Variants in CLYBL observed in about 807,000 individuals in gnomAD.
CLYBL encodes the protein citramalyl-CoA lyase, mitochondrial.
In CLYBL, 31 loss-of-function variants were observed where a neutral mutation model predicts 38.9. The observed-to-expected ratio is 0.80, with a 90% confidence interval of 0.60 to 1.08. The LOEUF (loss-of-function observed/expected upper bound fraction) is 1.08. Ranked by LOEUF, CLYBL falls within the 50% of genes least tolerant of loss-of-function variation. CLYBL has a pLI of 0.00. For synonymous variants in CLYBL, 171 were observed against 158.6 expected, an observed-to-expected ratio of 1.08 and a Z score of -0.59; for missense variants, 434 against 411.6, an observed-to-expected ratio of 1.05 and a Z score of -0.47.
At chr13:99,679,844 G>A (rs2047708991) in intron 1 of CLYBL, among the ~76,000 whole-genome samples, 1 of 151,988 alleles carries the variant, frequency 6.6e-6, no homozygotes, top group South Asian at 2.1e-4. Context: ...CCAGGTGCAC[G>A]TTATTAAACG....
intron 1 of CLYBL, among the ~76,000 whole-genome samples, chr13:99,637,401 A>G (rs2047033764): frequency 6.6e-6 from 1 of 152,186 alleles, no homozygotes; most frequent in Non-Finnish European, 1.5e-5. Context: ...TTTCCAGCAT[A>G]TTGCATATTC....
chr13:99,646,265 C>T (rs552295100), intron 1 of CLYBL, among the ~76,000 whole-genome samples: 21 of 152,154 alleles, frequency 1.4e-4, no homozygotes, highest in Non-Finnish European at 2.6e-4. Context: ...AAGCAGTCAT[C>T]GCACTCCTTT....
At chr13:99,819,489 G>T in intron 2 of CLYBL, among the ~76,000 whole-genome samples, 1 of 124,024 alleles carries the variant, frequency 8.1e-6, no homozygotes, top group Non-Finnish European at 1.7e-5. Flanking sequence ...GGGTTGTCTG[G>T]GGGACAGAAC....
intron 2 of CLYBL, among the ~76,000 whole-genome samples, chr13:99,833,028 ATATTTTTTTTTTTTT>A (rs1427749243): frequency 1.4e-4 from 5 of 36,088 alleles, no homozygotes; most frequent in African/African-American, 5.9e-4. Context: ...ATATATATAT[ATATTTTTTTTTTTTT>A]TTTTTTTTTT....
In CLYBL at chr13:99,676,186, G is replaced by GTCCGTCCGTCCTTCCT. The variant is rs1459044000; in HGVS notation, c.62+69432_62+69433insGTCCGTCCTTCCTTCC. On this transcript the variant is annotated intron_variant, in intron 1 of 8. Transcript: ENST00000339105. ...CTGGCTTCCTTCCTTCCCTCCGTCC[G>GTCCGTCCGTCCTTCCT]TCCTTCCTTCCTTCCTTCCTTCCTT... Among the ~76,000 whole-genome samples, 206 of 133,064 alleles carry GTCCGTCCGTCCTTCCT rather than the reference G, an allele frequency of 1.5e-3. 1 individual carries two copies. Among genetic ancestry groups the GTCCGTCCGTCCTTCCT allele is most frequent in the Non-Finnish European group, 2.3e-3 (142 of 62,348 alleles). The allele number at this position is 133,064 out of a possible 152,430, so 87.3% of individuals were successfully genotyped here.
chr13:99,703,088 T>G (rs1288828713), intron 1 of CLYBL, among the ~76,000 whole-genome samples: 1 of 152,250 alleles, frequency 6.6e-6, no homozygotes, highest in Non-Finnish European at 1.5e-5. Flanking sequence ...CAAATTTCAC[T>G]GAACCCAGAC....
In CLYBL at chr13:99,865,145, A is replaced by G. The variant is rs1418643324; in HGVS notation, c.634+234A>G. On this transcript the variant is annotated intron_variant, in intron 5 of 8. Coordinates refer to ENST00000339105, the MANE Select transcript of CLYBL (RefSeq NM_206808.5). The surrounding 1 kb of genome is among the most constrained non-coding windows in gnomAD (Gnocchi z 4.7). ...TTACTTCTGTTCATTTATAAAAGAC[A>G]CGAGCAATAGAAAGCCTGTTGCAGC... The G allele has an allele frequency of 9.7e-6, 5 of 515,530 alleles. No homozygotes were observed. The highest frequency in any genetic ancestry group is 9.6e-5 in the African/African-American group (5 of 52,038). 31.9% of individuals were successfully genotyped at this position (515,530 alleles called of 1,614,324 possible).
intron 2 of CLYBL, among the ~76,000 whole-genome samples, chr13:99,842,123 A>G (rs1225008436): frequency 6.6e-6 from 1 of 152,012 alleles, no homozygotes; most frequent in East Asian, 1.9e-4. Context: ...CAGCTGGAAC[A>G]CCTATGTATT....
At chr13:99,644,140 T>C (rs1007185208) in intron 1 of CLYBL, among the ~76,000 whole-genome samples, 3 of 151,944 alleles carry the variant, frequency 2.0e-5, no homozygotes, top group Non-Finnish European at 4.4e-5. Flanking sequence ...TATGTATGTA[T>C]ATGTGGTGTA....
At chr13:99,626,844 T>C (rs1271099016) in intron 1 of CLYBL, among the ~76,000 whole-genome samples, 1 of 151,966 alleles carries the variant, frequency 6.6e-6, no homozygotes, top group Non-Finnish European at 1.5e-5. Context: ...TAGTCCCAGG[T>C]GGATGTAATT....
intron 2 of CLYBL, among the ~76,000 whole-genome samples, chr13:99,852,767 A>G (rs1268061215): frequency 3.3e-5 from 5 of 152,202 alleles, no homozygotes; most frequent in African/African-American, 1.2e-4. Flanking sequence ...CAAGCATCAG[A>G]AAAGTTGGAA....
chr13:99,889,259 C>T (rs1217825760), intron 7 of CLYBL, among the ~76,000 whole-genome samples: 1 of 152,202 alleles, frequency 6.6e-6, no homozygotes, highest in Non-Finnish European at 1.5e-5. Flanking sequence ...ATTGTTTAAA[C>T]CCTAGCAGGA....
intron 1 of CLYBL, among the ~76,000 whole-genome samples, chr13:99,659,005 CA>C (rs918265592): frequency 7.9e-5 from 12 of 152,260 alleles, no homozygotes; most frequent in South Asian, 2.1e-4. Context: ...ATTTTTCCCC[CA>C]GGGGCAAAGA....
chr13:99,690,026 G>A (rs1389543146), intron 1 of CLYBL: 3 of 152,328 alleles, frequency 2.0e-5, no homozygotes, highest in African/African-American at 7.2e-5. Flanking sequence ...TGCAAGCTCT[G>A]TGGATGAAAT....
chr13:99,682,092 G>A (rs931960254), intron 1 of CLYBL, among the ~76,000 whole-genome samples: 3 of 152,104 alleles, frequency 2.0e-5, no homozygotes, highest in Middle Eastern at 3.4e-3. Context: ...TACACAACAT[G>A]TAGCTACTGA....
At chr13:99,697,930 G>A (rs2048004969) in intron 1 of CLYBL, among the ~76,000 whole-genome samples, 1 of 152,136 alleles carries the variant, frequency 6.6e-6, no homozygotes, top group African/African-American at 2.4e-5. Flanking sequence ...TTTCAGGCGT[G>A]AGCCACCCCA....
At chr13:99,792,079 T>G (rs558799344) in intron 2 of CLYBL, among the ~76,000 whole-genome samples, 17 of 152,364 alleles carry the variant, frequency 1.1e-4, no homozygotes, top group African/African-American at 3.8e-4. Flanking sequence ...ACTTATTTTT[T>G]TTCCCTCCAG....
At position 99,632,233 on chromosome 13, in the gene CLYBL, A is replaced by G. The variant is rs2046956294; in HGVS notation, c.62+25476A>G. Among the ~76,000 whole-genome samples the G allele has an allele frequency of 3.3e-5, 5 of 152,340 alleles. 1 individual carries two copies. The Middle Eastern group carries it at 0.014, about 415-fold the overall frequency. On this transcript the variant is annotated intron_variant, in intron 1 of 8. Coordinates refer to ENST00000339105, the MANE Select transcript of CLYBL (RefSeq NM_206808.5). ...GCACAAATCCTTGGTTGGCTACTAA[A>G]CTATGTGTCTGCAAACCTGGTGAAA... is the stretch of plus-strand genomic sequence containing the variant.
intron 2 of CLYBL, among the ~76,000 whole-genome samples, chr13:99,786,749 A>G (rs2049804542): frequency 6.9e-6 from 1 of 144,272 alleles, no homozygotes; most frequent in African/African-American, 2.5e-5. Flanking sequence ...GTCAAATGGT[A>G]TTTCTAGTTC....
Sources: allele counts gnomAD v4.1 joint callset (sites outside exome capture counted in the v4.1 genomes callset), GRCh38; gene constraint gnomAD v4.1.1; non-coding constraint Gnocchi (gnomAD v3.1); transcripts MANE v1.5; gene names NCBI Gene and HGNC (gene_info 2026-07-23, HGNC 2026-07-21).